The following ALG14 variants were observed in gnomAD, a reference collection of about 807,000 sequenced individuals.
ALG14 encodes UDP-N-acetylglucosamine transferase subunit ALG14.
Under a neutral mutation model 22.8 loss-of-function variants are expected in ALG14, and 17 were observed. The ratio of observed to expected loss-of-function variants is 0.75; its 90% CI spans 0.51 to 1.12. The LOEUF (loss-of-function observed/expected upper bound fraction) is 1.12. Ranked by LOEUF, ALG14 falls within the 50% of genes most tolerant of loss-of-function variation. The pLI, the probability that ALG14 is intolerant of heterozygous loss-of-function variation, is 0.00. For synonymous variants in ALG14, 89 were observed against 103.7 expected, an observed-to-expected ratio of 0.86 and a Z score of 0.86; for missense variants, 288 against 271.8, an observed-to-expected ratio of 1.06 and a Z score of -0.42.
At position 95,045,181 on chromosome 1, in the gene ALG14, T is replaced by C. The variant is rs181766203; in HGVS notation, c.289-17921A>G. On this transcript the variant is annotated intron_variant, in intron 2 of 3. Coordinates refer to ENST00000370205, the MANE Select transcript of ALG14 (RefSeq NM_144988.4). ...TGAATCTGATACTTTTCTGAACTTG[T>C]ATTACTTGATAGTCTTTTGTTGATT... Among the ~76,000 whole-genome samples, 142 of 152,346 alleles carry C rather than the reference T, an allele frequency of 9.3e-4. 1 individual carries two copies. The highest frequency in any genetic ancestry group is 9.2e-3 in the Admixed American group (141 of 15,302).
At chr1:95,047,418 A>G (rs559030960) in intron 2 of ALG14, among the ~76,000 whole-genome samples, 1 of 152,064 alleles carries the variant, frequency 6.6e-6, no homozygotes, top group Admixed American at 6.5e-5. Flanking sequence ...ATCTCGGCTC[A>G]CTGCAACCTC....
chr1:95,008,952 A>C (rs1394328764), intron 3 of ALG14, among the ~76,000 whole-genome samples: 1 of 152,120 alleles, frequency 6.6e-6, no homozygotes. Flanking sequence ...TATTACCATG[A>C]TGTTTTCAGG....
At chr1:95,048,223 T>G (rs906694886) in intron 2 of ALG14, among the ~76,000 whole-genome samples, 3 of 152,206 alleles carry the variant, frequency 2.0e-5, no homozygotes, top group Admixed American at 1.3e-4. Flanking sequence ...TAGTGGGAAA[T>G]CTAATTAAGT....
intron 2 of ALG14, among the ~76,000 whole-genome samples, chr1:95,044,285 C>T (rs995995331): frequency 6.6e-6 from 1 of 152,172 alleles, no homozygotes; most frequent in Non-Finnish European, 1.5e-5. Context: ...ATTTGTAACA[C>T]AGCCACACGA....
intron 2 of ALG14, among the ~76,000 whole-genome samples, chr1:95,028,829 C>G (rs1160775225): frequency 6.6e-6 from 1 of 151,946 alleles, no homozygotes; most frequent in Non-Finnish European, 1.5e-5. Flanking sequence ...AAATCTGGAG[C>G]TGGAACTACA....
rs1673895482 is a variant in ALG14 at position 95,028,495 on chromosome 1, G to A, written c.289-1235C>T. 3.9e-5 allele frequency among the ~76,000 whole-genome samples: 6 copies of A among 152,010 alleles called. No individual in the cohort carries two copies. In the South Asian group the frequency reaches 8.3e-4, roughly 21 times the overall value. The stretch of plus-strand genomic sequence containing the variant: ...ATTACAGGGTTGAGTCACTATACTC[G>A]GCCATGCATTAGTATTTTCATTAAA... On this transcript the variant is annotated intron_variant, in intron 2 of 3. Coordinates refer to ENST00000370205, the MANE Select transcript of ALG14 (RefSeq NM_144988.4).
rs551497670 is a variant in ALG14 at position 95,026,674 on chromosome 1, A to T, written c.420+455T>A. On this transcript the variant is annotated intron_variant, in intron 3 of 3. Transcript: ENST00000370205. The stretch of plus-strand genomic sequence containing the variant: ...CCAGGCGCAGTGGCTCATGCCTGTA[A>T]TCCCAGCACTTTGGGAGGCCGAGGC... Among the ~76,000 whole-genome samples the T allele has an allele frequency of 1.8e-4, 28 of 152,310 alleles. No homozygotes were observed. The South Asian group carries it at 4.6e-3, about 25-fold the overall frequency.
intron 2 of ALG14, among the ~76,000 whole-genome samples, chr1:95,064,541 C>T (rs1006911948): frequency 9.9e-5 from 15 of 152,072 alleles, no homozygotes; most frequent in Admixed American, 1.3e-4. Context: ...GAGATAATTA[C>T]GTCGTTTTTG....
At chr1:95,017,125 A>G (rs892274330) in intron 3 of ALG14, among the ~76,000 whole-genome samples, 2 of 152,166 alleles carry the variant, frequency 1.3e-5, no homozygotes, top group African/African-American at 4.8e-5. Flanking sequence ...CTGATAAAAA[A>G]GACAAGGCAG....
At chr1:95,002,189 A>G (rs1240048496) in intron 3 of ALG14, among the ~76,000 whole-genome samples, 1 of 152,064 alleles carries the variant, frequency 6.6e-6, no homozygotes, top group African/African-American at 2.4e-5. Context: ...TTCAGCAATG[A>G]CTGCTTGTTG....
intron 2 of ALG14, chr1:95,062,231 A>G (rs1033262202): frequency 3.9e-5 from 6 of 152,270 alleles, no homozygotes; most frequent in African/African-American, 9.6e-5. Context: ...GAATTCAACG[A>G]AAAACTGCTT....
intron 2 of ALG14, among the ~76,000 whole-genome samples, chr1:95,034,320 A>G (rs1352790003): frequency 6.6e-6 from 1 of 152,238 alleles, no homozygotes; most frequent in Non-Finnish European, 1.5e-5. Flanking sequence ...GATTGTATGT[A>G]GTCTGCCCCT....
At chr1:95,013,126 AAAAG>A (rs1386033962) in intron 3 of ALG14, among the ~76,000 whole-genome samples, 1 of 151,560 alleles carries the variant, frequency 6.6e-6, no homozygotes, top group Non-Finnish European at 1.5e-5. Context: ...AAAAAAAAAA[AAAAG>A]AAACAATAAA....
At chr1:95,040,061 A>G (rs1486334644) in intron 2 of ALG14, among the ~76,000 whole-genome samples, 1 of 151,926 alleles carries the variant, frequency 6.6e-6, no homozygotes. Flanking sequence ...GGTCCCAACT[A>G]CTGGGGAGGT....
chr1:95,058,691 C>CAA (rs11422775), intron 2 of ALG14, among the ~76,000 whole-genome samples: 454 of 135,818 alleles, frequency 3.3e-3, no homozygotes, highest in Non-Finnish European at 5.0e-3. Context: ...TAACCTTTCT[C>CAA]AAAAAAAAAA....
intron 2 of ALG14, chr1:95,062,183 C>T (rs888404370): frequency 6.6e-6 from 1 of 152,048 alleles, no homozygotes; most frequent in Admixed American, 6.6e-5. Context: ...CAGGATGCTT[C>T]GTGTATGTAA....
At chr1:95,016,942 G>GGGGTGTGTGTGT (rs1028840783) in intron 3 of ALG14, among the ~76,000 whole-genome samples, 8 of 129,296 alleles carry the variant, frequency 6.2e-5, no homozygotes, top group African/African-American at 2.3e-4. Context: ...TTGCAAAAGG[G>GGGGTGTGTGTGT]GTGTGTGTGT....
chr1:95,060,129 AACACACACACACACACACACACAC>A (rs60558070), intron 2 of ALG14, among the ~76,000 whole-genome samples: 11 of 143,052 alleles, frequency 7.7e-5, no homozygotes, highest in African/African-American at 2.6e-4. Flanking sequence ...TACACACACA[AACACACACACACACACACACACAC>A]ACACACACAC....
At chr1:94,985,795 G>A (rs1672626356) in intron 3 of ALG14, among the ~76,000 whole-genome samples, 1 of 151,942 alleles carries the variant, frequency 6.6e-6, no homozygotes, top group African/African-American at 2.4e-5. Context: ...GTAAATTAAA[G>A]GTATTTTGTT....
Sources: gnomAD v4.1 joint callset for allele counts (sites outside exome capture counted in the v4.1 genomes callset) on GRCh38, gnomAD v4.1.1 for gene constraint, MANE v1.5 for transcripts, NCBI Gene and HGNC (gene_info 2026-07-23, HGNC 2026-07-21) for gene names.